UVRAG: variants seen among roughly 807,000 people sequenced by gnomAD.
UVRAG encodes the protein UV radiation resistance-associated gene protein.
Under a neutral mutation model 78.0 loss-of-function variants are expected in UVRAG, and 19 were observed. That is an observed-to-expected ratio of 0.24 (90% confidence interval 0.17 to 0.36). The LOEUF (loss-of-function observed/expected upper bound fraction) is 0.36, where lower values mean the gene tolerates loss of function less well. UVRAG is among the 10% of genes least tolerant of loss of function. UVRAG has a pLI of 1.00. For synonymous variants in UVRAG, 323 were observed against 324.6 expected (o/e 1.00, Z 0.05); for missense variants, 740 against 853.8 (o/e 0.87, Z 1.66).
At chr11:76,119,157 C>G (rs960744562) in intron 14 of UVRAG, among the ~76,000 whole-genome samples, 21 of 152,220 alleles carry the variant, frequency 1.4e-4, no homozygotes, top group African/African-American at 4.3e-4. Flanking sequence ...TCAAAGGTCA[C>G]TTTTCATCCT....
At chr11:75,903,468 C>T (rs765364838) in intron 5 of UVRAG, among the ~76,000 whole-genome samples, 28 of 152,322 alleles carry the variant, frequency 1.8e-4, no homozygotes, top group Non-Finnish European at 3.5e-4. Context: ...TGAAGCTAAA[C>T]GAATTGGACT....
intron 13 of UVRAG, among the ~76,000 whole-genome samples, chr11:76,069,834 C>G (rs1045162256): frequency 1.3e-5 from 2 of 152,030 alleles, no homozygotes; most frequent in African/African-American, 4.8e-5. Context: ...CTATATATTT[C>G]CATCCTTAAA....
intron 12 of UVRAG, among the ~76,000 whole-genome samples, chr11:76,023,026 A>C (rs1051070549): frequency 2.0e-5 from 3 of 152,108 alleles, no homozygotes; most frequent in African/African-American, 4.8e-5. Context: ...GTAGCATATA[A>C]AAACTCTGTT....
intron 6 of UVRAG, among the ~76,000 whole-genome samples, chr11:75,932,678 A>G: frequency 6.6e-6 from 1 of 152,222 alleles, no homozygotes. Flanking sequence ...GCAGGATACA[A>G]AATAAACATA....
chr11:75,865,761 C>T (rs1485420024), intron 3 of UVRAG, among the ~76,000 whole-genome samples: 1 of 151,940 alleles, frequency 6.6e-6, no homozygotes, highest in African/African-American at 2.4e-5. Flanking sequence ...ACTACAGGTG[C>T]CCGCCAGCAT....
Position 76,040,852 on chromosome 11 carries a change from G to C in UVRAG, c.1226+23872G>C, listed in dbSNP as rs560760732. On this transcript the variant is annotated intron_variant, in intron 12 of 14. Coordinates refer to ENST00000356136, the MANE Select transcript of UVRAG (RefSeq NM_003369.4). Reference sequence around the variant, plus strand: ...TTACAGGTGTGAGCCACCGGGCCTGGCCAACACACTGGATTTTAAAATGCA... The same window carrying C: ...TTACAGGTGTGAGCCACCGGGCCTGCCCAACACACTGGATTTTAAAATGCA... Among the ~76,000 whole-genome samples, 97 of 152,082 alleles carry C rather than the reference G, an allele frequency of 6.4e-4. 1 individual carries two copies. Among genetic ancestry groups the C allele is most frequent in the African/African-American group, 2.2e-3 (90 of 41,480 alleles).
At chr11:75,892,755 A>T (rs937732656) in intron 5 of UVRAG, among the ~76,000 whole-genome samples, 39 of 152,284 alleles carry the variant, frequency 2.6e-4, no homozygotes, top group African/African-American at 8.7e-4. Flanking sequence ...ACTGAACCTT[A>T]AAAAACCTTG....
At chr11:75,858,742 C>A (rs1482518412) in intron 2 of UVRAG, among the ~76,000 whole-genome samples, 1 of 152,192 alleles carries the variant, frequency 6.6e-6, no homozygotes, top group African/African-American at 2.4e-5. Flanking sequence ...CAGCTTCAAC[C>A]ACCAAGCCTA....
intron 5 of UVRAG, among the ~76,000 whole-genome samples, chr11:75,899,051 T>C (rs1190694345): frequency 2.0e-5 from 3 of 152,148 alleles, no homozygotes; most frequent in Non-Finnish European, 1.5e-5. Flanking sequence ...CAAGGAAAAG[T>C]TGGAAAAAAA....
chr11:76,110,279 C>T (rs953272300), intron 13 of UVRAG, among the ~76,000 whole-genome samples: 13 of 148,766 alleles, frequency 8.7e-5, no homozygotes, highest in Non-Finnish European at 1.8e-4. Flanking sequence ...TTATGATGTA[C>T]CAGATATTAT....
chr11:75,887,390 C>A (rs1005317315), intron 4 of UVRAG, among the ~76,000 whole-genome samples: 5 of 151,474 alleles, frequency 3.3e-5, no homozygotes, highest in African/African-American at 1.2e-4. Context: ...AAGTGATCCG[C>A]CGCCTTGGCC....
At chr11:75,823,724 T>C (rs575207610) in intron 1 of UVRAG, among the ~76,000 whole-genome samples, 6 of 152,316 alleles carry the variant, frequency 3.9e-5, no homozygotes, top group Admixed American at 3.3e-4. Context: ...TGCAGGGTTC[T>C]GGTGAAAAGT....
intron 6 of UVRAG, among the ~76,000 whole-genome samples, chr11:75,926,054 T>A (rs1948095472): frequency 6.6e-6 from 1 of 152,072 alleles, no homozygotes; most frequent in Non-Finnish European, 1.5e-5. Flanking sequence ...TTTTTTTTGA[T>A]GATACACCAA....
At chr11:75,862,225 A>G (rs1946436911) in intron 3 of UVRAG, among the ~76,000 whole-genome samples, 2 of 152,228 alleles carry the variant, frequency 1.3e-5, no homozygotes, top group South Asian at 4.1e-4. Context: ...TTCACTCGCC[A>G]TATGTCATAA....
intron 7 of UVRAG, among the ~76,000 whole-genome samples, chr11:75,963,147 A>T (rs1467628694): frequency 6.6e-6 from 1 of 152,182 alleles, no homozygotes; most frequent in African/African-American, 2.4e-5. Context: ...ACCATTTACC[A>T]TGATACATAT....
intron 6 of UVRAG, among the ~76,000 whole-genome samples, chr11:75,943,013 A>G (rs1160492381): frequency 1.3e-5 from 2 of 152,142 alleles, no homozygotes; most frequent in African/African-American, 4.8e-5. Context: ...GTGAGCTATG[A>G]TCATACCACT....
chr11:76,042,484 A>G (rs978785441), intron 12 of UVRAG, among the ~76,000 whole-genome samples: 4 of 152,200 alleles, frequency 2.6e-5, no homozygotes, highest in African/African-American at 9.7e-5. Context: ...ATTGTTAGTA[A>G]TTAACTCTCT....
intron 6 of UVRAG, among the ~76,000 whole-genome samples, chr11:75,920,008 GTTTTTTTTTTTTTTTTTTTTT>G (rs140217190): frequency 2.3e-3 from 127 of 55,512 alleles, no homozygotes; most frequent in African/African-American, 6.8e-3. Flanking sequence ...AATAATTTTG[GTTTTTTTTTTTTTTTTTTTTT>G]TTTTTTTTTT....
At chr11:76,068,397 C>T (rs1363247891) in intron 13 of UVRAG, among the ~76,000 whole-genome samples, 1 of 152,154 alleles carries the variant, frequency 6.6e-6, no homozygotes, top group South Asian at 2.1e-4. Context: ...AATTGTGTAT[C>T]CTCTCCAGCT....
Sources: allele counts gnomAD v4.1 joint callset (sites outside exome capture counted in the v4.1 genomes callset), GRCh38; gene constraint gnomAD v4.1.1; transcripts MANE v1.5; gene names NCBI Gene and HGNC (gene_info 2026-07-23, HGNC 2026-07-21).